The following SEMA4D variants were observed in gnomAD, a reference collection of about 807,000 sequenced individuals.
SEMA4D encodes semaphorin 4D.
Under a neutral mutation model 74.8 loss-of-function variants are expected in SEMA4D, and 22 were observed. The observed-to-expected ratio is 0.29, with a 90% CI of 0.21 to 0.42. SEMA4D has a LOEUF of 0.42. Ranked by LOEUF, SEMA4D falls within the 10% of genes least tolerant of loss-of-function variation. The pLI is 1.00. For missense variants in SEMA4D, 937 were observed against 1,118.4 expected, an observed-to-expected ratio of 0.84 and a Z score of 2.31; for synonymous variants, 445 against 463.7, an observed-to-expected ratio of 0.96 and a Z score of 0.52.
chr9:89,460,068 C>T (rs974235783), intron 1 of SEMA4D, among the ~76,000 whole-genome samples: 4 of 152,196 alleles, frequency 2.6e-5, no homozygotes, highest in African/African-American at 9.7e-5. Context: ...GACACAGAAA[C>T]CCACCAACGC....
chr9:89,435,341 C>A (rs1355136841), intron 2 of SEMA4D, among the ~76,000 whole-genome samples: 1 of 152,212 alleles, frequency 6.6e-6, no homozygotes, highest in Non-Finnish European at 1.5e-5. Context: ...TACCCCAATT[C>A]TGGAAGGATT....
intron 2 of SEMA4D, among the ~76,000 whole-genome samples, chr9:89,438,376 C>T (rs1587888459): frequency 3.3e-5 from 5 of 152,322 alleles, no homozygotes; most frequent in African/African-American, 9.6e-5. Context: ...CATGGCAGCT[C>T]GTGATGGCTG....
intron 16 of SEMA4D, chr9:89,364,263 T>G (rs1415414994): frequency 6.8e-6 from 3 of 441,050 alleles, no homozygotes; most frequent in Non-Finnish European, 8.4e-6. Context: ...AGAATGGTTC[T>G]GGGCCTTGGA....
At chr9:89,416,511 C>CACA (rs1319395818) in intron 2 of SEMA4D, among the ~76,000 whole-genome samples, 1 of 152,220 alleles carries the variant, frequency 6.6e-6, no homozygotes, top group East Asian at 1.9e-4. Flanking sequence ...TCAGTCTACA[C>CACA]ACAACACATA....
At chr9:89,362,760 G>C (rs1287423088) in intron 18 of SEMA4D, among the ~76,000 whole-genome samples, 1 of 152,234 alleles carries the variant, frequency 6.6e-6, no homozygotes, top group Non-Finnish European at 1.5e-5. Flanking sequence ...TGTACTGCTG[G>C]CAGCCACGTA....
At chr9:89,426,376 T>C (rs927799839) in intron 2 of SEMA4D, among the ~76,000 whole-genome samples, 2 of 152,194 alleles carry the variant, frequency 1.3e-5, no homozygotes, top group African/African-American at 4.8e-5. Context: ...TAGACCACCA[T>C]GACCACAGCT....
intron 9 of SEMA4D, among the ~76,000 whole-genome samples, 161 bp from the exon 10 acceptor site, chr9:89,389,208 G>A (rs1236950172): frequency 6.6e-6 from 1 of 152,126 alleles, no homozygotes; most frequent in Non-Finnish European, 1.5e-5. Context: ...TATGTGAGTG[G>A]CCCGCAGCAC....
intron 4 of SEMA4D, among the ~76,000 whole-genome samples, chr9:89,401,407 A>C (rs1842194897): frequency 6.6e-6 from 1 of 152,214 alleles, no homozygotes; most frequent in Non-Finnish European, 1.5e-5. Flanking sequence ...TGTGTCAAAC[A>C]GAAATTGAGA....
At chr9:89,402,633 G>T (rs569239508) in intron 4 of SEMA4D, among the ~76,000 whole-genome samples, 1 of 151,636 alleles carries the variant, frequency 6.6e-6, no homozygotes, top group Non-Finnish European at 1.5e-5. Flanking sequence ...TCATGGCATA[G>T]CTGTCTCTGC....
At chr9:89,370,004 T>C (rs562188691) in intron 16 of SEMA4D, among the ~76,000 whole-genome samples, 4 of 151,652 alleles carry the variant, frequency 2.6e-5, no homozygotes, top group East Asian at 1.9e-4. Context: ...AGTGGTATGA[T>C]TGGTGTGTGT....
chr9:89,433,431 A>G (rs1489726802), intron 2 of SEMA4D, among the ~76,000 whole-genome samples: 2 of 152,008 alleles, frequency 1.3e-5, no homozygotes, highest in African/African-American at 4.8e-5. Context: ...CTCTCCAATC[A>G]GCAGAGAGGG....
intron 1 of SEMA4D, among the ~76,000 whole-genome samples, chr9:89,462,957 G>C (rs201606985): frequency 4.3e-5 from 1 of 23,128 alleles, no homozygotes; most frequent in East Asian, 6.5e-4. Flanking sequence ...AAAGGAGGGG[G>C]GAGCGAGCGA....
intron 2 of SEMA4D, among the ~76,000 whole-genome samples, chr9:89,426,667 G>A (rs1176373342): frequency 6.6e-6 from 1 of 152,182 alleles, no homozygotes; most frequent in Non-Finnish European, 1.5e-5. Flanking sequence ...GACACCAGGT[G>A]CACGCAGCCT....
chr9:89,477,564 G>A (rs1338090173), intron 1 of SEMA4D, among the ~76,000 whole-genome samples: 14 of 152,186 alleles, frequency 9.2e-5, no homozygotes, highest in Admixed American at 9.2e-4. Context: ...ATGACACAGT[G>A]GTGAGCAAAT....
intron 2 of SEMA4D, among the ~76,000 whole-genome samples, chr9:89,448,638 AGAT>A (rs572830177): frequency 6.6e-6 from 1 of 152,380 alleles, no homozygotes; most frequent in African/African-American, 2.4e-5. Context: ...CTCTGCACAT[AGAT>A]GAGAATGTGT....
At chr9:89,461,700 C>CTCTCTCTCTTTTTTTTTTTTTTTTTT (rs71281350) in intron 1 of SEMA4D, among the ~76,000 whole-genome samples, 5 of 103,662 alleles carry the variant, frequency 4.8e-5, no homozygotes, top group African/African-American at 1.7e-4. Flanking sequence ...TCTTTTTTCT[C>CTCTCTCTCTTTTTTTTTTTTTTTTTT]TTTTTTTTTT....
chr9:89,408,517 T>C (rs1054006749), intron 2 of SEMA4D, among the ~76,000 whole-genome samples: 13 of 152,358 alleles, frequency 8.5e-5, no homozygotes, highest in African/African-American at 2.9e-4. Context: ...ATTTTAAGGA[T>C]GCGTCCTTTC....
chr9:89,423,252 C>T (rs902339450), intron 2 of SEMA4D, among the ~76,000 whole-genome samples: 2 of 150,860 alleles, frequency 1.3e-5, no homozygotes, highest in Admixed American at 6.6e-5. Flanking sequence ...AGTGCAATGG[C>T]GTGATCTCGG....
At chr9:89,427,438 G>T (rs1429085886) in intron 2 of SEMA4D, among the ~76,000 whole-genome samples, 1 of 152,128 alleles carries the variant, frequency 6.6e-6, no homozygotes, top group East Asian at 1.9e-4. Flanking sequence ...GCCGGGGCCT[G>T]GGGAGTAACC....
Sources: gnomAD v4.1 joint callset for allele counts (sites outside exome capture counted in the v4.1 genomes callset) on GRCh38, gnomAD v4.1.1 for gene constraint, MANE v1.5 for transcripts, NCBI Gene and HGNC (gene_info 2026-07-23, HGNC 2026-07-21) for gene names.